Variants in RYR2 observed in about 807,000 individuals in gnomAD.
RYR2 encodes cardiac muscle ryanodine receptor-calcium release channel.
RYR2 carries 227 observed loss-of-function variants against 601.1 expected under a neutral mutation model. The observed-to-expected ratio is 0.38, with a 90% CI of 0.34 to 0.42. The LOEUF (loss-of-function observed/expected upper bound fraction) is 0.42. Among genes scored for constraint, RYR2 ranks in the 10% least tolerant of loss-of-function variants. The probability of loss-of-function intolerance (pLI) is 1.00; values close to 1 mark genes in which losing one functional copy is unlikely to be tolerated. For missense variants in RYR2, 4,646 were observed against 6,156.5 expected (o/e 0.75, Z 8.21); for synonymous variants, 2,223 against 2,175.1 (o/e 1.02, Z -0.61).
chr1:237,277,467 T>C (rs571640319), intron 2 of RYR2, among the ~76,000 whole-genome samples: 215 of 152,324 alleles, frequency 1.4e-3, no homozygotes, highest in African/African-American at 4.9e-3. Flanking sequence ...GATTTGATTA[T>C]ATACCTAAAA....
intron 1 of RYR2, among the ~76,000 whole-genome samples, chr1:237,215,682 G>A (rs1683077076): frequency 6.6e-6 from 1 of 152,074 alleles, no homozygotes; most frequent in Non-Finnish European, 1.5e-5. Flanking sequence ...TATATAGGAT[G>A]ATATATGTAA....
At chr1:237,463,459 C>G (rs1293517977) in intron 16 of RYR2, among the ~76,000 whole-genome samples, 1 of 152,014 alleles carries the variant, frequency 6.6e-6, no homozygotes, top group Non-Finnish European at 1.5e-5. Flanking sequence ...AAGCATGAAG[C>G]CTCCGGGGAT....
In RYR2 at chr1:237,550,652, G is replaced by C; in HGVS notation, c.3175G>C (p.Gly1059Arg). 1 of 1,570,284 alleles carries C rather than the reference G, an allele frequency of 6.4e-7. No homozygotes were observed. Among genetic ancestry groups the C allele is most frequent in the Non-Finnish European group, 8.6e-7 (1 of 1,157,404 alleles). The part of the protein sequence containing the change: ...SLREAVRTLL[G>R]YGYNLEAPDQ... ...CCGCGAGGCTGTGCGCACGCTGCTG[G>C]GGTACGGCTACAACTTGGAAGCACC... The change falls in exon 27 of 105, where the codon GGG (glycine) becomes CGG (arginine). Residue 1059 changes from glycine to arginine, a missense_variant. By Grantham distance (125) the Gly-to-Arg change is moderately radical. Transcript: ENST00000366574.
intron 48 of RYR2, among the ~76,000 whole-genome samples, chr1:237,647,786 C>T (rs1396859836): frequency 6.6e-6 from 1 of 152,178 alleles, no homozygotes; most frequent in East Asian, 1.9e-4. Context: ...GAAATTGGCA[C>T]ATAATCCCAT....
chr1:237,685,927 A>G (rs1376943837), intron 62 of RYR2, among the ~76,000 whole-genome samples: 11 of 152,222 alleles, frequency 7.2e-5, no homozygotes, highest in Admixed American at 4.6e-4. Context: ...AAACTACAAA[A>G]TACCCTACAT....
intron 10 of RYR2, among the ~76,000 whole-genome samples, chr1:237,405,072 C>T (rs1289631615): frequency 6.6e-6 from 1 of 152,172 alleles, no homozygotes; most frequent in Non-Finnish European, 1.5e-5. Context: ...AGACTTCCAA[C>T]CTACGGAATG....
At chr1:237,600,285 GA>G (rs1009258594) in intron 34 of RYR2, among the ~76,000 whole-genome samples, 4 of 149,096 alleles carry the variant, frequency 2.7e-5, no homozygotes, top group Admixed American at 2.0e-4. Flanking sequence ...AGAGAACCCA[GA>G]AAAAAAAACA....
chr1:237,528,246 C>T (rs138687982), intron 24 of RYR2, among the ~76,000 whole-genome samples: 121 of 152,210 alleles, frequency 7.9e-4, no homozygotes, highest in Middle Eastern at 3.4e-3. Context: ...ATTCTTCTGT[C>T]TGTGAAATTG....
At chr1:237,478,467 A>G (rs1195267990) in intron 17 of RYR2, among the ~76,000 whole-genome samples, 1 of 152,200 alleles carries the variant, frequency 6.6e-6, no homozygotes, top group Non-Finnish European at 1.5e-5. Flanking sequence ...AGCACCTTTT[A>G]TTTTTGGATT....
chr1:237,243,472 AG>A (rs1686438741), intron 1 of RYR2, among the ~76,000 whole-genome samples: 1 of 152,122 alleles, frequency 6.6e-6, no homozygotes, highest in African/African-American at 2.4e-5. Context: ...GTGTAGGGTG[AG>A]GTATGTGGGA....
At chr1:237,812,116 A>G (rs527773750) in intron 100 of RYR2, among the ~76,000 whole-genome samples, 1 of 152,138 alleles carries the variant, frequency 6.6e-6, no homozygotes, top group African/African-American at 2.4e-5. Flanking sequence ...TGGCACTGCT[A>G]TCATTCCCAT....
chr1:237,664,679 TACA>T (rs1684131968), intron 56 of RYR2, among the ~76,000 whole-genome samples: 1 of 152,176 alleles, frequency 6.6e-6, no homozygotes, highest in Non-Finnish European at 1.5e-5. Flanking sequence ...TTATGGGAGC[TACA>T]ATTCAAGAGG....
At chr1:237,701,007 A>G (rs563738818) in intron 65 of RYR2, among the ~76,000 whole-genome samples, 1 of 152,306 alleles carries the variant, frequency 6.6e-6, no homozygotes, top group Admixed American at 6.5e-5. Flanking sequence ...AGTAGTTAAT[A>G]AAACTATACA....
At chr1:237,584,578 A>G (rs922464730) in intron 29 of RYR2, among the ~76,000 whole-genome samples, 2 of 151,612 alleles carry the variant, frequency 1.3e-5, no homozygotes, top group Admixed American at 1.3e-4. Context: ...CTGATACTCT[A>G]TGAAGACAAT....
intron 33 of RYR2, among the ~76,000 whole-genome samples, chr1:237,594,893 T>TTTTTGTTTTTTG (rs1675659751): frequency 1.3e-4 from 2 of 15,776 alleles, no homozygotes; most frequent in African/African-American, 2.1e-4. Flanking sequence ...TGGGTTTTTT[T>TTTTTGTTTTTTG]TTTTTTTTTT....
intron 2 of RYR2, among the ~76,000 whole-genome samples, chr1:237,287,188 T>C (rs554412967): frequency 1.3e-5 from 2 of 152,322 alleles, no homozygotes; most frequent in South Asian, 4.1e-4. Context: ...GCTGTTAATC[T>C]GATAGGTTTT....
chr1:237,327,669 C>A (rs79684540), intron 2 of RYR2, among the ~76,000 whole-genome samples: 1 of 151,570 alleles, frequency 6.6e-6, no homozygotes, highest in Non-Finnish European at 1.5e-5. Context: ...ACAAGTGGTG[C>A]TTCATCATTT....
chr1:237,610,689 A>AAT lies in RYR2; in HGVS notation c.4684-72_4684-71dup. On this transcript the variant is annotated intron_variant, in intron 35 of 104. Coordinates refer to ENST00000366574, the MANE Select transcript of RYR2 (RefSeq NM_001035.3). This position sits in a 1 kb window ranked among gnomAD's most constrained non-coding sequence, Gnocchi z 4.9. Reference sequence around the variant, plus strand: ...CTTTCCCTGTCTCTGTCCTGTGCAGAATTCTAGTCATTACTTTGTGAACCC... The same window carrying AAT: ...CTTTCCCTGTCTCTGTCCTGTGCAGAATATTCTAGTCATTACTTTGTGAACCC... 1.6e-6 allele frequency: 2 copies of AAT among 1,221,752 alleles called. No individual in the cohort carries two copies. The allele number at this position is 1,221,752 out of a possible 1,614,324, so 75.7% of individuals were successfully genotyped here. A position where few individuals can be genotyped will look rare whatever the true frequency, so the allele number is the denominator to read the frequency against.
rs1302069166 is a variant in RYR2, at chr1:237,338,973, C to T, written c.273+7991C>T. ...TTCTCAAATGGCAGGGCTAATGACT[C>T]ACTGGAAAAAAATGAGGTTTAACAC... On this transcript the variant is annotated intron_variant, in intron 3 of 104. Transcript: ENST00000366574. Among the ~76,000 whole-genome samples, 15 of 152,068 alleles carry T rather than the reference C, an allele frequency of 9.9e-5. 1 individual carries two copies. The highest frequency in any genetic ancestry group is 1.5e-5 in the Non-Finnish European group (1 of 68,012).
Sources: gnomAD v4.1 joint callset for allele counts (sites outside exome capture counted in the v4.1 genomes callset) on GRCh38, gnomAD v4.1.1 for gene constraint, Gnocchi (gnomAD v3.1) non-coding constraint, MANE v1.5 for transcripts, NCBI Gene and HGNC (gene_info 2026-07-23, HGNC 2026-07-21) for gene names.